The following DBF4 variants were observed in gnomAD, a reference collection of about 807,000 sequenced individuals.
DBF4 encodes the protein protein DBF4 homolog A.
In DBF4, 25 loss-of-function variants were observed where a neutral mutation model predicts 76.6. The ratio of observed to expected loss-of-function variants is 0.33; its 90% confidence interval spans 0.24 to 0.46. DBF4 has a LOEUF of 0.46. Ranked by LOEUF, DBF4 falls within the 20% of genes least tolerant of loss-of-function variation. The pLI is 1.00. For missense variants in DBF4, 638 were observed against 760.8 expected (o/e 0.84, Z 1.90); for synonymous variants, 213 against 258.0 (o/e 0.83, Z 1.67).
In DBF4 at chr7:87,884,928, C is replaced by T. The variant is rs764422035; in HGVS notation, c.220-51C>T. ...CTCTAGCCTGGATAACACAGTGAGA[C>T]CGTGTTTCTTAAAACAAATTTATAA... On this transcript the variant is annotated intron_variant, in intron 2 of 11. Transcript: ENST00000265728. 3.6e-6 allele frequency: 5 copies of T among 1,384,628 alleles called. No homozygotes were observed. In the East Asian group the frequency reaches 9.7e-5, roughly 27 times the overall value. 85.8% of individuals were successfully genotyped at this position (1,384,628 alleles called of 1,614,324 possible).
Position 87,908,422 on chromosome 7 carries a change from T to C in DBF4, c.*259T>C. 4.0e-6 allele frequency: 1 copy of C among 251,948 alleles called. No individual in the cohort carries two copies. The highest frequency in any genetic ancestry group is 7.3e-6 in the Non-Finnish European group (1 of 137,548). 15.6% of individuals were successfully genotyped at this position (251,948 alleles called of 1,614,324 possible). On this transcript the variant is annotated 3_prime_UTR_variant, in exon 12 of 12. Transcript: ENST00000265728. The stretch of plus-strand genomic sequence containing the variant: ...TCCTGAGAATTACAATGAATAATAA[T>C]TTGCTTTGTCACTGAAAACCACCAG...
intron 10 of DBF4, 110 bp from the exon 11 acceptor site, chr7:87,904,182 T>TA: frequency 8.9e-7 from 1 of 1,117,904 alleles, no homozygotes; most frequent in Non-Finnish European, 1.2e-6. Flanking sequence ...TTGGAGTAGT[T>TA]ATTGGAAACC....
At chr7:87,889,238 T>C (rs1839430335) in intron 6 of DBF4, among the ~76,000 whole-genome samples, 1 of 152,100 alleles carries the variant, frequency 6.6e-6, no homozygotes, top group Non-Finnish European at 1.5e-5. Context: ...GAATGAATTA[T>C]TTGGCAAGAC....
intron 10 of DBF4, 152 bp from the exon 11 acceptor site, chr7:87,904,140 C>T (rs1248266158): frequency 1.9e-5 from 13 of 671,502 alleles, no homozygotes; most frequent in East Asian, 1.1e-4. Context: ...TTATTTTAAA[C>T]GTCTTTTGAA....
At chr7:87,887,044 A>G in intron 4 of DBF4, 150 bp downstream of exon 4, 1 of 619,534 alleles carries the variant, frequency 1.6e-6, no homozygotes, top group Non-Finnish European at 2.7e-6. Context: ...TAAAGAACTT[A>G]CTTTTCATGT....
chr7:87,905,662 C>T (rs1430586164), intron 11 of DBF4, among the ~76,000 whole-genome samples: 1 of 152,088 alleles, frequency 6.6e-6, no homozygotes, highest in East Asian at 1.9e-4. Context: ...TTAAGTTAGT[C>T]TTTATTCTTA....
intron 10 of DBF4, among the ~76,000 whole-genome samples, chr7:87,904,054 G>A (rs1839858382): frequency 6.6e-6 from 1 of 152,116 alleles, no homozygotes; most frequent in Non-Finnish European, 1.5e-5. Context: ...CTACAAATTA[G>A]TACTTGTCTT....
At chr7:87,887,903 A>G in intron 5 of DBF4, 80 bp from the exon 6 acceptor site, 2 of 1,304,782 alleles carry the variant, frequency 1.5e-6, no homozygotes, top group Non-Finnish European at 2.1e-6. Context: ...TTCTTTATCT[A>G]ATTTAACTAC....
intron 10 of DBF4, among the ~76,000 whole-genome samples, chr7:87,903,666 C>T (rs1839844128): frequency 6.9e-6 from 1 of 144,648 alleles, no homozygotes; most frequent in Non-Finnish European, 1.5e-5. Context: ...CAAAATGTTA[C>T]TGTTGTCTCT....
Position 87,888,498 on chromosome 7 carries a change from T to C in DBF4, c.597+439T>C, listed in dbSNP as rs148430058. ...TTGAAATACTTGTTAAACAACCACA[T>C]TGGTTGTTAACGTTCTGTTAAACCT... is the stretch of plus-strand genomic sequence containing the variant. On this transcript the variant is annotated intron_variant, in intron 6 of 11. Coordinates refer to ENST00000265728, the MANE Select transcript of DBF4 (RefSeq NM_006716.4). 1.6e-3 allele frequency: 292 copies of C among 179,158 alleles called. 2 individuals carry two copies. Among genetic ancestry groups the C allele is most frequent in the African/African-American group, 6.5e-3 (272 of 41,976 alleles). 11.1% of individuals were successfully genotyped at this position (179,158 alleles called of 1,614,324 possible).
intron 6 of DBF4, chr7:87,888,399 A>G (rs1486621676): frequency 1.2e-6 from 1 of 823,336 alleles, no homozygotes; most frequent in Non-Finnish European, 1.5e-6. Flanking sequence ...TGGAATATAA[A>G]TATGTACTAT....
intron 3 of DBF4, among the ~76,000 whole-genome samples, chr7:87,886,087 A>G (rs1252147158): frequency 6.6e-6 from 1 of 152,186 alleles, no homozygotes; most frequent in Non-Finnish European, 1.5e-5. Flanking sequence ...AAGAGATACA[A>G]TACATAGAAG....
At chr7:87,900,447 T>G in intron 9 of DBF4, 98 bp downstream of exon 9, 1 of 1,352,832 alleles carries the variant, frequency 7.4e-7, no homozygotes, top group Non-Finnish European at 1.0e-6. Context: ...CCATAATGGT[T>G]ATTTGTGTTT....
chr7:87,887,976 A>G lies in DBF4; in HGVS notation c.521-7A>G. 1 of 1,535,428 alleles carries G rather than the reference A, an allele frequency of 6.5e-7. No individual in the cohort carries two copies. Among genetic ancestry groups the G allele is most frequent in the Non-Finnish European group, 8.8e-7 (1 of 1,142,570 alleles). ...CTAATCTTAAAACCTTCTTTCTTTTAATAAAGACATTAGATACTACATTGA... is the reference window on the plus strand; with the variant it reads ...CTAATCTTAAAACCTTCTTTCTTTTGATAAAGACATTAGATACTACATTGA... On this transcript the variant is annotated splice_polypyrimidine_tract_variant and splice_region_variant and intron_variant, in intron 5 of 11. Transcript: ENST00000265728.
At chr7:87,903,995 C>T (rs1839856204) in intron 10 of DBF4, among the ~76,000 whole-genome samples, 1 of 149,198 alleles carries the variant, frequency 6.7e-6, no homozygotes, top group South Asian at 2.1e-4. Context: ...TGCGCCTGAT[C>T]TGTGTCTTCG....
intron 3 of DBF4, among the ~76,000 whole-genome samples, chr7:87,885,826 A>C (rs1409591263): frequency 6.6e-6 from 1 of 152,220 alleles, no homozygotes; most frequent in Non-Finnish European, 1.5e-5. Flanking sequence ...TATTGAAATC[A>C]CATCCCTACC....
Position 87,879,894 on chromosome 7 carries a change from A to G in DBF4, c.219+1669A>G, listed in dbSNP as rs1839168176. 2.0e-5 allele frequency among the ~76,000 whole-genome samples: 3 copies of G among 151,680 alleles called. No individual in the cohort carries two copies. The South Asian group carries it at 6.2e-4, about 32-fold the overall frequency. On this transcript the variant is annotated intron_variant, in intron 2 of 11. Transcript: ENST00000265728. Reference sequence around the variant, plus strand: ...CTTGAACCTGGGAGGCGGAGGTTGCAGTGAGCCAAGATTGTGCCACTGTAC... The same window carrying G: ...CTTGAACCTGGGAGGCGGAGGTTGCGGTGAGCCAAGATTGTGCCACTGTAC...
At chr7:87,891,972 A>G (rs79647063) in intron 6 of DBF4, among the ~76,000 whole-genome samples, 1 of 152,174 alleles carries the variant, frequency 6.6e-6, no homozygotes, top group Non-Finnish European at 1.5e-5. Context: ...TTATTTTTTT[A>G]GAGAAGTTTT....
intron 7 of DBF4, 42 bp downstream of exon 7, chr7:87,896,552 G>GA (rs1415492481): frequency 6.4e-7 from 1 of 1,558,942 alleles, no homozygotes; most frequent in African/African-American, 1.4e-5. Context: ...GTTTGCATTT[G>GA]AAAAATCATA....
Sources: gnomAD v4.1 joint callset for allele counts (sites outside exome capture counted in the v4.1 genomes callset) on GRCh38, gnomAD v4.1.1 for gene constraint, MANE v1.5 for transcripts, NCBI Gene and HGNC (gene_info 2026-07-23, HGNC 2026-07-21) for gene names.